The following LNP1 variants were observed in gnomAD, a reference collection of about 807,000 sequenced individuals.
LNP1 encodes the protein leukemia NUP98 fusion partner 1.
A neutral mutation model predicts 14.5 loss-of-function variants in LNP1; 12 were observed. That is an observed-to-expected ratio of 0.83 (90% CI 0.53 to 1.34). The LOEUF (loss-of-function observed/expected upper bound fraction) is 1.34, where lower values mean the gene tolerates loss of function less well. LNP1 is among the 40% of genes most tolerant of loss of function. The pLI, the probability that LNP1 is intolerant of heterozygous loss-of-function variation, is 0.00. For synonymous variants in LNP1, 75 were observed against 71.4 expected, an observed-to-expected ratio of 1.05 and a Z score of -0.26; for missense variants, 198 against 210.9, an observed-to-expected ratio of 0.94 and a Z score of 0.38.
At chr3:100,404,975 G>A (rs944057701) in intron 1 of LNP1, among the ~76,000 whole-genome samples, 1 of 151,820 alleles carries the variant, frequency 6.6e-6, no homozygotes, top group Non-Finnish European at 1.5e-5. Context: ...TGTATTTTTA[G>A]TAGAGACGGG....
chr3:100,425,456 G>A (rs1364547771), intron 1 of LNP1, among the ~76,000 whole-genome samples: 2 of 152,186 alleles, frequency 1.3e-5, no homozygotes, highest in South Asian at 2.1e-4. Flanking sequence ...TCAGCAGTCA[G>A]TTTGAATCAA....
intron 1 of LNP1, among the ~76,000 whole-genome samples, chr3:100,410,871 T>C (rs1226724023): frequency 6.6e-6 from 1 of 152,220 alleles, no homozygotes; most frequent in Non-Finnish European, 1.5e-5. Flanking sequence ...CCAGTCCCAC[T>C]ACAGGCCCAG....
chr3:100,413,755 T>C (rs1489156446), intron 1 of LNP1, among the ~76,000 whole-genome samples: 1 of 152,254 alleles, frequency 6.6e-6, no homozygotes, highest in African/African-American at 2.4e-5. Flanking sequence ...TGGGTCTGCC[T>C]GGAGAAAGGT....
At chr3:100,434,377 T>G (rs183658617) in intron 2 of LNP1, among the ~76,000 whole-genome samples, 17 of 152,312 alleles carry the variant, frequency 1.1e-4, no homozygotes, top group African/African-American at 3.6e-4. Context: ...GGTGGTTATA[T>G]AAGTGTGGTC....
intron 1 of LNP1, among the ~76,000 whole-genome samples, chr3:100,414,917 T>C (rs898494320): frequency 6.6e-6 from 1 of 152,208 alleles, no homozygotes; most frequent in African/African-American, 2.4e-5. Flanking sequence ...AATAAATTAG[T>C]GTGGTTTTAA....
chr3:100,415,675 C>T (rs149613368), intron 1 of LNP1, among the ~76,000 whole-genome samples: 181 of 152,260 alleles, frequency 1.2e-3, no homozygotes, highest in African/African-American at 4.0e-3. Flanking sequence ...ACAAGAAAAC[C>T]TGTTTAGGGC....
chr3:100,420,847 T>G (rs1260381616), intron 1 of LNP1, among the ~76,000 whole-genome samples: 1 of 152,156 alleles, frequency 6.6e-6, no homozygotes, highest in East Asian at 1.9e-4. Flanking sequence ...GCTTTTGGTG[T>G]CAAGTCTAAG....
rs368443855 is a variant in LNP1 at position 100,451,027 on chromosome 3, A to G, written c.157-692A>G. ...AATTGTCCTATTGGTTTGAGCCATA[A>G]AGTTAGCTTATGCTGGTACCAAGCA... On this transcript the variant is annotated intron_variant, in intron 2 of 3. Transcript: ENST00000383693. Among the ~76,000 whole-genome samples, 91 of 152,274 alleles carry G rather than the reference A, an allele frequency of 6.0e-4. 1 individual carries two copies. In the Middle Eastern group the frequency reaches 0.024, roughly 40 times the overall value.
intron 1 of LNP1, among the ~76,000 whole-genome samples, chr3:100,410,888 G>T (rs772215933): frequency 2.9e-4 from 44 of 152,184 alleles, no homozygotes; most frequent in Non-Finnish European, 5.6e-4. Flanking sequence ...CCAGGGAGTA[G>T]GTCTGAATCC....
At chr3:100,437,022 G>C (rs1316222591) in intron 2 of LNP1, among the ~76,000 whole-genome samples, 2 of 152,134 alleles carry the variant, frequency 1.3e-5, no homozygotes, top group African/African-American at 2.4e-5. Flanking sequence ...CCTAGATCTG[G>C]GACTTCCTAG....
At chr3:100,418,883 C>A (rs147125954) in intron 1 of LNP1, among the ~76,000 whole-genome samples, 111 of 152,300 alleles carry the variant, frequency 7.3e-4, no homozygotes, top group South Asian at 1.9e-3. Flanking sequence ...TTGGAGAGAA[C>A]AAATCCCTCC....
intron 2 of LNP1, among the ~76,000 whole-genome samples, chr3:100,442,956 G>T (rs1707358306): frequency 1.3e-5 from 2 of 152,094 alleles, no homozygotes; most frequent in South Asian, 4.1e-4. Context: ...ATAGGAGGAG[G>T]AAGGAAGAAA....
chr3:100,439,562 G>A (rs114381085), intron 2 of LNP1, among the ~76,000 whole-genome samples: 2,164 of 152,212 alleles, frequency 0.014, 29 homozygotes, highest in African/African-American at 0.04. Flanking sequence ...TTGTCGTTCA[G>A]TCAGCACACA....
chr3:100,438,321 T>A (rs1214965241), intron 2 of LNP1, among the ~76,000 whole-genome samples: 6 of 152,202 alleles, frequency 3.9e-5, no homozygotes, highest in Non-Finnish European at 1.5e-5. Context: ...TTTTTTTGGA[T>A]CTGTTTTATG....
chr3:100,404,771 T>G (rs1706947113), intron 1 of LNP1, among the ~76,000 whole-genome samples: 1 of 151,196 alleles, frequency 6.6e-6, no homozygotes, highest in African/African-American at 2.4e-5. Flanking sequence ...TCCCCACTCA[T>G]TCTTTCTCTT....
chr3:100,416,599 TTGTG>T (rs769199967), intron 1 of LNP1, among the ~76,000 whole-genome samples: 3,646 of 94,560 alleles, frequency 0.039, 73 homozygotes, highest in Admixed American at 0.062. Context: ...TATATCTTTT[TTGTG>T]TGTGTGTGTG....
In LNP1 at chr3:100,429,702, G is replaced by A. The variant is rs772346876; in HGVS notation, c.-28G>A. 4 of 1,606,192 alleles carry A rather than the reference G, an allele frequency of 2.5e-6. No homozygotes were observed. The highest frequency in any genetic ancestry group is 1.1e-5 in the South Asian group (1 of 90,238). ...TTTCCCTCTGTCGCATTTAGGGACAGGCCTTCAGTATTTGGCATCACCTTT... is the reference window on the plus strand; with the variant it reads ...TTTCCCTCTGTCGCATTTAGGGACAAGCCTTCAGTATTTGGCATCACCTTT... On this transcript the variant is annotated 5_prime_UTR_variant, in exon 2 of 4. Coordinates refer to ENST00000383693, the MANE Select transcript of LNP1 (RefSeq NM_001085451.2).
At chr3:100,446,554 A>G (rs1318253782) in intron 2 of LNP1, among the ~76,000 whole-genome samples, 2 of 152,162 alleles carry the variant, frequency 1.3e-5, no homozygotes, top group Non-Finnish European at 2.9e-5. Context: ...GGACTTCATA[A>G]CTAAAACACC....
intron 1 of LNP1, among the ~76,000 whole-genome samples, chr3:100,419,185 T>C (rs1467635544): frequency 6.6e-6 from 1 of 152,202 alleles, no homozygotes; most frequent in Non-Finnish European, 1.5e-5. Flanking sequence ...TTCAAACAGA[T>C]TAAAAACCTA....
Sources: allele counts gnomAD v4.1 joint callset (sites outside exome capture counted in the v4.1 genomes callset), GRCh38; gene constraint gnomAD v4.1.1; transcripts MANE v1.5; gene names NCBI Gene and HGNC (gene_info 2026-07-23, HGNC 2026-07-21).